NTNG1: variants seen among roughly 807,000 people sequenced by gnomAD.
NTNG1 encodes the protein netrin G1, also known as netrin-G1.
In NTNG1, 16 loss-of-function variants were observed where a neutral mutation model predicts 54.0. The ratio of observed to expected loss-of-function variants is 0.30; its 90% CI spans 0.20 to 0.45. The LOEUF is 0.45. Ranked by LOEUF, NTNG1 falls within the 20% of genes least tolerant of loss-of-function variation. The pLI, the probability that NTNG1 is intolerant of heterozygous loss-of-function variation, is 1.00. For missense variants in NTNG1, 530 were observed against 678.7 expected, an observed-to-expected ratio of 0.78 and a Z score of 2.43; for synonymous variants, 255 against 263.1, an observed-to-expected ratio of 0.97 and a Z score of 0.30.
Position 107,430,841 on chromosome 1 carries a change from G to A in NTNG1, c.1179G>A (p.Gly393=), listed in dbSNP as rs769271739. Residue 393 remains glycine, a synonymous_variant, in exon 6 of 8, where the codon GGG becomes GGA. Transcript: ENST00000370068. ...TGAGCTGTAAACACAACACTAGAGG[G>A]CAGCACTGTGAGTTATGCAGGCTGG... is the stretch of plus-strand genomic sequence containing the variant. ...ICVSCKHNTR[G]QHCELCRLGY... 6.2e-7 allele frequency: 1 copy of A among 1,613,260 alleles called. No individual in the cohort carries two copies. The highest frequency in any genetic ancestry group is 8.5e-7 in the Non-Finnish European group (1 of 1,179,610).
chr1:107,381,749 C>T (rs1671659816), intron 3 of NTNG1, among the ~76,000 whole-genome samples: 1 of 152,178 alleles, frequency 6.6e-6, no homozygotes, highest in African/African-American at 2.4e-5. Flanking sequence ...AACTAGGAAT[C>T]CAGGACACAG....
intron 7 of NTNG1, among the ~76,000 whole-genome samples, chr1:107,440,661 A>C (rs1047548512): frequency 2.6e-5 from 4 of 152,168 alleles, no homozygotes; most frequent in African/African-American, 9.7e-5. Flanking sequence ...TTGTTGGGCC[A>C]CTATTGAGGA....
intron 7 of NTNG1, among the ~76,000 whole-genome samples, chr1:107,437,832 GA>G (rs1302935055): frequency 1.3e-5 from 2 of 152,004 alleles, no homozygotes; most frequent in Non-Finnish European, 2.9e-5. Flanking sequence ...TATACTTGCA[GA>G]AAATGTCAGT....
intron 2 of NTNG1, among the ~76,000 whole-genome samples, chr1:107,314,665 T>C (rs1667230067): frequency 6.6e-6 from 1 of 152,194 alleles, no homozygotes; most frequent in African/African-American, 2.4e-5. Flanking sequence ...ATATATGATC[T>C]GCAGCCTGGC....
At chr1:107,331,016 T>C (rs1668240397) in intron 3 of NTNG1, 1 of 152,124 alleles carries the variant, frequency 6.6e-6, no homozygotes, top group Admixed American at 6.6e-5. Flanking sequence ...AAAATTCTTG[T>C]CAGGTACCTT....
rs191293918 is a variant in NTNG1 at position 107,468,965 on chromosome 1, G to A, written c.1391-11646G>A. On this transcript the variant is annotated intron_variant, in intron 7 of 7. Transcript: ENST00000370068. ...ACAAAAATTAGCTAGGAGTGGTGGC[G>A]CGCGCCTATAATCCCAGCTACTCAG... Among the ~76,000 whole-genome samples the A allele has an allele frequency of 6.2e-3, 943 of 151,950 alleles. 7 individuals are homozygous for A. Among genetic ancestry groups the A allele is most frequent in the Non-Finnish European group, 9.6e-3 (654 of 67,964 alleles).
At chr1:107,364,248 G>A (rs546542735) in intron 3 of NTNG1, among the ~76,000 whole-genome samples, 2 of 152,066 alleles carry the variant, frequency 1.3e-5, no homozygotes, top group East Asian at 3.9e-4. Flanking sequence ...ATTTTAATTT[G>A]TATTTACCAT....
At chr1:107,479,724 G>C (rs1183898387) in intron 7 of NTNG1, among the ~76,000 whole-genome samples, 1 of 152,198 alleles carries the variant, frequency 6.6e-6, no homozygotes, top group African/African-American at 2.4e-5. Flanking sequence ...AATGAGGTTA[G>C]TCAGAATTTT....
chr1:107,430,501 C>A (rs541246369), intron 5 of NTNG1, among the ~76,000 whole-genome samples: 2 of 152,286 alleles, frequency 1.3e-5, no homozygotes, highest in African/African-American at 4.8e-5. Flanking sequence ...TGCTTCTGTT[C>A]ATTTTGTCTG....
intron 7 of NTNG1, among the ~76,000 whole-genome samples, chr1:107,450,829 G>A (rs1182651630): frequency 6.6e-6 from 1 of 151,956 alleles, no homozygotes; most frequent in African/African-American, 2.4e-5. Flanking sequence ...CCTAAATCCT[G>A]GAAATTACCC....
At chr1:107,480,582 C>A (rs1217578205) in intron 7 of NTNG1, 29 bp from the exon 8 acceptor site, 2 of 707,686 alleles carry the variant, frequency 2.8e-6, no homozygotes, top group South Asian at 2.1e-5. Context: ...CCGCGCCCAC[C>A]CACCCCTACC....
intron 2 of NTNG1, among the ~76,000 whole-genome samples, chr1:107,287,975 T>C (rs1665307829): frequency 6.6e-6 from 1 of 152,134 alleles, no homozygotes; most frequent in Non-Finnish European, 1.5e-5. Context: ...ATTTTGAGCA[T>C]GCAAATACAT....
chr1:107,475,784 G>T (rs1305066364), intron 7 of NTNG1, among the ~76,000 whole-genome samples: 2 of 152,156 alleles, frequency 1.3e-5, no homozygotes, highest in Non-Finnish European at 2.9e-5. Flanking sequence ...GTGGGGGGTT[G>T]TTCTGTATAC....
Position 107,196,953 on chromosome 1 carries a change from T to C in NTNG1, c.246+48114T>C, listed in dbSNP as rs571723049. 2.0e-3 allele frequency among the ~76,000 whole-genome samples: 297 copies of C among 152,042 alleles called. 2 individuals are homozygous for C. The highest frequency in any genetic ancestry group is 6.8e-3 in the African/African-American group (281 of 41,518). ...TCATTCTCGGGCGGGTGTGTGTGTG[T>C]GCGCACGTGCATGCATGTTGGGGTT... On this transcript the variant is annotated intron_variant, in intron 2 of 7. Transcript: ENST00000370068.
intron 7 of NTNG1, among the ~76,000 whole-genome samples, chr1:107,455,339 C>T (rs1480859868): frequency 6.6e-6 from 1 of 152,236 alleles, no homozygotes; most frequent in Non-Finnish European, 1.5e-5. Flanking sequence ...GCTGGGATTA[C>T]AGGCGTGAGC....
intron 3 of NTNG1, among the ~76,000 whole-genome samples, chr1:107,380,231 G>A (rs538046072): frequency 4.1e-4 from 62 of 152,206 alleles, no homozygotes; most frequent in African/African-American, 1.5e-3. Flanking sequence ...ACCTGTTAAA[G>A]CCATAGCAGA....
chr1:107,411,175 A>G (rs928347497), intron 5 of NTNG1, among the ~76,000 whole-genome samples: 4 of 105,644 alleles, frequency 3.8e-5, no homozygotes, highest in Non-Finnish European at 8.1e-5. Context: ...GTGTTTGGCT[A>G]TTCCTCTCCT....
chr1:107,329,789 C>G (rs927422213), intron 3 of NTNG1, among the ~76,000 whole-genome samples: 3 of 152,036 alleles, frequency 2.0e-5, no homozygotes, highest in African/African-American at 7.2e-5. Context: ...TACTTATCCT[C>G]TACTCTGGGA....
intron 4 of NTNG1, among the ~76,000 whole-genome samples, chr1:107,405,084 C>G (rs1673324267): frequency 6.6e-6 from 1 of 152,148 alleles, no homozygotes; most frequent in African/African-American, 2.4e-5. Flanking sequence ...GTCTTATCCC[C>G]TCAAGTGTTT....
Sources: allele counts gnomAD v4.1 joint callset (sites outside exome capture counted in the v4.1 genomes callset), GRCh38; gene constraint gnomAD v4.1.1; transcripts MANE v1.5; gene names NCBI Gene and HGNC (gene_info 2026-07-23, HGNC 2026-07-21).